The following LARGE1 variants were observed in gnomAD, a reference collection of about 807,000 sequenced individuals.
LARGE1 encodes the protein LARGE xylosyl- and glucuronyltransferase 1.
LARGE1 carries 43 observed loss-of-function variants against 87.6 expected under a neutral mutation model. The observed-to-expected ratio is 0.49, with a 90% CI of 0.38 to 0.63. The LOEUF (loss-of-function observed/expected upper bound fraction) is 0.63, where lower values mean the gene tolerates loss of function less well. Among genes scored for constraint, LARGE1 ranks in the 30% least tolerant of loss-of-function variants. The pLI, the probability that LARGE1 is intolerant of heterozygous loss-of-function variation, is 0.00. For synonymous variants in LARGE1, 434 were observed against 394.6 expected (o/e 1.10, Z -1.18); for missense variants, 802 against 1,000.2 (o/e 0.80, Z 2.67).
intron 6 of LARGE1, among the ~76,000 whole-genome samples, chr22:33,447,461 C>T (rs186261006): frequency 1.4e-5 from 2 of 145,038 alleles, no homozygotes; most frequent in East Asian, 1.9e-4. Context: ...CTTGTCTCCC[C>T]TGTGATCCAC....
chr22:33,614,504 G>C (rs1569313915), intron 4 of LARGE1, among the ~76,000 whole-genome samples: 1 of 151,858 alleles, frequency 6.6e-6, no homozygotes, highest in Admixed American at 6.6e-5. Context: ...GACCTTCAAC[G>C]ATCTCACCCT....
intron 2 of LARGE1, among the ~76,000 whole-genome samples, chr22:33,722,204 GATC>G: frequency 6.6e-6 from 1 of 151,674 alleles, no homozygotes; most frequent in African/African-American, 2.4e-5. Flanking sequence ...AATGAGCCGA[GATC>G]ACGCCACTGC....
intron 6 of LARGE1, among the ~76,000 whole-genome samples, chr22:33,531,931 A>C (rs988265889): frequency 2.6e-5 from 4 of 152,250 alleles, no homozygotes; most frequent in African/African-American, 7.2e-5. Context: ...TGCAACAGAC[A>C]CTGCATGCCT....
intron 1 of LARGE1, among the ~76,000 whole-genome samples, chr22:33,916,324 T>G (rs1390931144): frequency 6.6e-6 from 1 of 152,024 alleles, no homozygotes; most frequent in Non-Finnish European, 1.5e-5. Context: ...TAGCTGAATG[T>G]CTGCCTCCCA....
intron 5 of LARGE1, among the ~76,000 whole-genome samples, chr22:33,574,636 T>C (rs2148837764): frequency 6.6e-6 from 1 of 151,746 alleles, no homozygotes; most frequent in East Asian, 1.9e-4. Flanking sequence ...GATTCTCAAA[T>C]ATTGGGAGAA....
intron 6 of LARGE1, among the ~76,000 whole-genome samples, chr22:33,549,595 T>TAG (rs1415116769): frequency 6.6e-6 from 1 of 152,220 alleles, no homozygotes; most frequent in Non-Finnish European, 1.5e-5. Flanking sequence ...GATGTTCAAC[T>TAG]ATCCATGGCC....
intron 7 of LARGE1, among the ~76,000 whole-genome samples, chr22:33,388,629 G>A (rs1258938023): frequency 1.3e-5 from 2 of 151,878 alleles, no homozygotes; most frequent in Non-Finnish European, 2.9e-5. Context: ...GCAATGGCAC[G>A]ATCTCGGCTC....
At chr22:33,910,130 A>T (rs1784579907) in intron 1 of LARGE1, among the ~76,000 whole-genome samples, 1 of 152,128 alleles carries the variant, frequency 6.6e-6, no homozygotes, top group Admixed American at 6.6e-5. Context: ...TGTTCATTTA[A>T]TCTTCTATTG....
chr22:33,148,403 A>G, the LARGE1 span, among the ~76,000 whole-genome samples: 1 of 152,178 alleles, frequency 6.6e-6, no homozygotes, highest in Non-Finnish European at 1.5e-5. Context: ...GTGTTCATCA[A>G]TATTTTTTCT....
chr22:33,660,258 T>A (rs1453951166), intron 2 of LARGE1, among the ~76,000 whole-genome samples: 3 of 152,128 alleles, frequency 2.0e-5, no homozygotes, highest in Admixed American at 6.5e-5. Context: ...GTTAGTAGCA[T>A]TCAAATCGTC....
intron 6 of LARGE1, among the ~76,000 whole-genome samples, chr22:33,554,660 C>T (rs937340754): frequency 6.6e-6 from 1 of 152,210 alleles, no homozygotes; most frequent in Non-Finnish European, 1.5e-5. Context: ...CTGCTGCCAA[C>T]TCTTTTTGAA....
intron 1 of LARGE1, among the ~76,000 whole-genome samples, chr22:33,899,630 C>A (rs1460655959): frequency 6.6e-6 from 1 of 152,144 alleles, no homozygotes; most frequent in Non-Finnish European, 1.5e-5. Context: ...CTCCTCCTCA[C>A]CCGCCCCCTC....
intron 10 of LARGE1, among the ~76,000 whole-genome samples, chr22:33,327,310 G>A (rs1050978888): frequency 5.3e-5 from 8 of 152,198 alleles, no homozygotes; most frequent in Non-Finnish European, 8.8e-5. Context: ...CATAGCGTGA[G>A]AGAGTTAAGC....
intron 9 of LARGE1, among the ~76,000 whole-genome samples, chr22:33,368,630 C>T (rs1177059920): frequency 1.3e-5 from 2 of 150,376 alleles, no homozygotes; most frequent in East Asian, 1.9e-4. Context: ...CTAATGAGCT[C>T]TGTGTGTGTG....
the LARGE1 span, among the ~76,000 whole-genome samples, chr22:33,071,476 C>T: frequency 6.6e-6 from 1 of 152,128 alleles, no homozygotes; most frequent in Non-Finnish European, 1.5e-5. Flanking sequence ...TTGTAGGGGG[C>T]ACATTTGTCG....
intron 1 of LARGE1, among the ~76,000 whole-genome samples, chr22:33,866,696 C>T (rs2064113775): frequency 6.6e-6 from 1 of 152,090 alleles, no homozygotes; most frequent in Admixed American, 6.5e-5. Context: ...CAGATGGAGC[C>T]CTAGAATGGA....
the LARGE1 span, among the ~76,000 whole-genome samples, chr22:33,069,138 T>C: frequency 1.3e-5 from 2 of 152,162 alleles, no homozygotes; most frequent in African/African-American, 4.8e-5. Context: ...ACTGTCTATG[T>C]ATGAGACTCC....
At chr22:33,823,645 C>T (rs1180303023) in intron 1 of LARGE1, among the ~76,000 whole-genome samples, 3 of 152,188 alleles carry the variant, frequency 2.0e-5, no homozygotes, top group Non-Finnish European at 4.4e-5. Context: ...TGACTCATCC[C>T]TATACACAGT....
intron 11 of LARGE1, among the ~76,000 whole-genome samples, chr22:33,257,942 C>T (rs1927404804): frequency 6.6e-6 from 1 of 151,736 alleles, no homozygotes; most frequent in South Asian, 2.1e-4. Flanking sequence ...TGAAATTCAG[C>T]AGTGACCCAT....
Sources: gnomAD v4.1 joint callset for allele counts (sites outside exome capture counted in the v4.1 genomes callset) on GRCh38, gnomAD v4.1.1 for gene constraint, MANE v1.5 for transcripts, NCBI Gene and HGNC (gene_info 2026-07-23, HGNC 2026-07-21) for gene names.